SSPN: variants seen among roughly 807,000 people sequenced by gnomAD.
The protein encoded by SSPN is sarcospan, also known as K-ras oncogene-associated protein.
SSPN carries 15 observed loss-of-function variants against 19.1 expected under a neutral mutation model. That is an observed-to-expected ratio of 0.78 (90% CI 0.52 to 1.21). SSPN has a LOEUF of 1.21. SSPN is among the 50% of genes most tolerant of loss of function. The pLI, the probability that SSPN is intolerant of heterozygous loss-of-function variation, is 0.00. For missense variants in SSPN, 291 were observed against 314.0 expected (o/e 0.93, Z 0.55); for synonymous variants, 147 against 140.3 (o/e 1.05, Z -0.34).
chr12:26,126,811 T>C (rs995054137), intron 1 of SSPN, among the ~76,000 whole-genome samples: 1 of 152,244 alleles, frequency 6.6e-6, no homozygotes, highest in Non-Finnish European at 1.5e-5. Flanking sequence ...TTAAGGTCTC[T>C]CGACTTCCTC....
At position 26,157,757 on chromosome 12, in the gene SSPN, G is replaced by T. The variant is rs535561694; in HGVS notation, c.-31+35605G>T. On this transcript the variant is annotated intron_variant, in intron 1 of 2. Transcript: ENST00000538142. ...ATTAATATTTCCCAGCTTTTGATTA[G>T]ATTTAAGTGACTCAGTGATACTATG... 5.9e-5 allele frequency among the ~76,000 whole-genome samples: 9 copies of T among 152,240 alleles called. No homozygotes were observed. The East Asian group carries it at 1.5e-3, about 26-fold the overall frequency.
intron 1 of SSPN, among the ~76,000 whole-genome samples, chr12:26,168,869 G>A (rs1388855711): frequency 9.2e-5 from 14 of 152,134 alleles, no homozygotes; most frequent in Non-Finnish European, 7.3e-5. Flanking sequence ...TGGTTAATGT[G>A]GTACCTACCA....
intron 1 of SSPN, among the ~76,000 whole-genome samples, chr12:26,148,086 G>A (rs531196727): frequency 6.6e-6 from 1 of 152,166 alleles, no homozygotes; most frequent in Admixed American, 6.5e-5. Context: ...ATAAATTTCT[G>A]TCAAGGGAGG....
upstream of SSPN, among the ~76,000 whole-genome samples, chr12:26,192,753 T>C (rs1190186235): frequency 6.6e-6 from 1 of 152,248 alleles, no homozygotes; most frequent in African/African-American, 2.4e-5. Flanking sequence ...GCGTCTGGGA[T>C]GTTGTTCATT....
chr12:26,198,866 C>T (rs1196810905), intron 1 of SSPN, among the ~76,000 whole-genome samples: 3 of 152,080 alleles, frequency 2.0e-5, no homozygotes, highest in African/African-American at 4.8e-5. Flanking sequence ...TATATCCTGC[C>T]GGGTTATATC....
intron 1 of SSPN, among the ~76,000 whole-genome samples, chr12:26,215,713 T>C: frequency 6.6e-6 from 1 of 152,212 alleles, no homozygotes; most frequent in South Asian, 2.1e-4. Flanking sequence ...CTGATGCCCC[T>C]TAACAATAGC....
At chr12:26,182,301 T>C (rs1478341864) in intron 1 of SSPN, among the ~76,000 whole-genome samples, 2 of 152,212 alleles carry the variant, frequency 1.3e-5, no homozygotes, top group Non-Finnish European at 2.9e-5. Flanking sequence ...GATGGAGTGA[T>C]TACCTCTGAC....
chr12:26,156,311 G>A (rs1944555833), intron 1 of SSPN, among the ~76,000 whole-genome samples: 1 of 152,180 alleles, frequency 6.6e-6, no homozygotes, highest in African/African-American at 2.4e-5. Flanking sequence ...GCGTTAGAAA[G>A]CCCACAGTAT....
chr12:26,207,248 A>AT (rs1944938876), intron 1 of SSPN, among the ~76,000 whole-genome samples: 1 of 152,244 alleles, frequency 6.6e-6, no homozygotes, highest in South Asian at 2.1e-4. Flanking sequence ...AATGTCAGTA[A>AT]TTCTGTGCAA....
At chr12:26,220,170 C>T (rs1281407043) in intron 1 of SSPN, among the ~76,000 whole-genome samples, 1 of 149,638 alleles carries the variant, frequency 6.7e-6, no homozygotes, top group Non-Finnish European at 1.5e-5. Flanking sequence ...AAAGCCTACC[C>T]TTCTAAAACA....
chr12:26,209,974 A>G (rs1321744299), intron 1 of SSPN, among the ~76,000 whole-genome samples: 1 of 152,130 alleles, frequency 6.6e-6, no homozygotes, highest in Non-Finnish European at 1.5e-5. Context: ...CAACCCTTCC[A>G]GATGGGTTTG....
chr12:26,146,309 C>G (rs961477578), intron 1 of SSPN, among the ~76,000 whole-genome samples: 1 of 152,150 alleles, frequency 6.6e-6, no homozygotes, highest in African/African-American at 2.4e-5. Context: ...ACACTAGATA[C>G]CCATGTTCTT....
chr12:26,142,515 TAA>T (rs1944466761), intron 1 of SSPN, among the ~76,000 whole-genome samples: 1 of 152,114 alleles, frequency 6.6e-6, no homozygotes, highest in Non-Finnish European at 1.5e-5. Flanking sequence ...GTACCTTCAA[TAA>T]GAATAAGGAA....
chr12:26,161,922 G>A (rs571477547), intron 1 of SSPN, among the ~76,000 whole-genome samples: 174 of 152,292 alleles, frequency 1.1e-3, no homozygotes, highest in African/African-American at 4.0e-3. Context: ...CTCACCAGCC[G>A]CTCACCCCAT....
chr12:26,189,358 C>T (rs888031137), intron 1 of SSPN, among the ~76,000 whole-genome samples: 1 of 152,106 alleles, frequency 6.6e-6, no homozygotes, highest in Non-Finnish European at 1.5e-5. Context: ...AGAAAAAATA[C>T]TGATCCTACA....
intron 1 of SSPN, among the ~76,000 whole-genome samples, chr12:26,186,283 C>A (rs566654930): frequency 6.6e-6 from 1 of 151,858 alleles, no homozygotes; most frequent in Non-Finnish European, 1.5e-5. Context: ...GGTGCCTATA[C>A]GTATCTATTA....
At chr12:26,228,500 T>C (rs939219557) in intron 2 of SSPN, among the ~76,000 whole-genome samples, 1 of 152,136 alleles carries the variant, frequency 6.6e-6, no homozygotes, top group Non-Finnish European at 1.5e-5. Context: ...AAAACTCCAT[T>C]TGGGGCCATT....
At chr12:26,130,799 C>A (rs1372708288) in intron 1 of SSPN, among the ~76,000 whole-genome samples, 1 of 152,160 alleles carries the variant, frequency 6.6e-6, no homozygotes, top group East Asian at 1.9e-4. Context: ...CCACCAGCGT[C>A]TATCTGCAAG....
At chr12:26,198,406 T>G (rs917364839) in intron 1 of SSPN, among the ~76,000 whole-genome samples, 2 of 152,256 alleles carry the variant, frequency 1.3e-5, no homozygotes, top group Non-Finnish European at 2.9e-5. Flanking sequence ...TAGGTTTCCA[T>G]TTCTTTACTA....
Sources: gnomAD v4.1 joint callset for allele counts (sites outside exome capture counted in the v4.1 genomes callset) on GRCh38, gnomAD v4.1.1 for gene constraint, MANE v1.5 for transcripts, NCBI Gene and HGNC (gene_info 2026-07-23, HGNC 2026-07-21) for gene names.